UNC13C: variants seen among roughly 807,000 people sequenced by gnomAD.
UNC13C encodes the protein protein unc-13 homolog C.
Under a neutral mutation model 245.4 loss-of-function variants are expected in UNC13C, and 174 were observed. The ratio of observed to expected loss-of-function variants is 0.71; its 90% confidence interval spans 0.63 to 0.80. The LOEUF is 0.80. Among genes scored for constraint, UNC13C ranks in the 30% least tolerant of loss-of-function variants. The pLI, the probability that UNC13C is intolerant of heterozygous loss-of-function variation, is 0.00. For missense variants in UNC13C, 2,829 were observed against 2,602.9 expected, an observed-to-expected ratio of 1.09 and a Z score of -1.89; for synonymous variants, 992 against 895.1, an observed-to-expected ratio of 1.11 and a Z score of -1.93.
At chr15:53,908,888 C>G in the UNC13C span, among the ~76,000 whole-genome samples, 1 of 145,470 alleles carries the variant, frequency 6.9e-6, no homozygotes, top group Non-Finnish European at 1.5e-5. Flanking sequence ...ATTTAGGTCA[C>G]ATTAACAAAA....
rs866768681 is a variant in UNC13C at position 54,321,936 on chromosome 15, C to T, written c.4269-3C>T. 6.4e-7 allele frequency: 1 copy of T among 1,561,908 alleles called. No homozygotes were observed. The highest frequency in any genetic ancestry group is 1.2e-5 in the South Asian group (1 of 83,570). On this transcript the variant is annotated splice_region_variant and splice_polypyrimidine_tract_variant and intron_variant, in intron 13 of 32. Transcript: ENST00000260323. ...AAAACACTTTATGTTTTTTGTCTTT[C>T]AGGCACTTTTCATGTCTGTCTTCTA...
At chr15:54,167,602 G>GAAA (rs35210236) in intron 4 of UNC13C, among the ~76,000 whole-genome samples, 17 of 63,572 alleles carry the variant, frequency 2.7e-4, no homozygotes, top group Non-Finnish European at 3.5e-4. Flanking sequence ...ATCCAAATAG[G>GAAA]AAAAAAAAAA....
In UNC13C at chr15:54,623,779, A is replaced by T. The variant is rs1316741182; in HGVS notation, c.6200-16A>T. On this transcript the variant is annotated splice_polypyrimidine_tract_variant and intron_variant, in intron 31 of 32. Transcript: ENST00000260323. ...ACACATCTGTTTGCTAAAATGTGAT[A>T]TTTCCTTTTTTTTAGTGATTGCTAT... The T allele has an allele frequency of 3.1e-6, 5 of 1,603,196 alleles. No homozygotes were observed. The African/African-American group carries it at 6.8e-5, about 22-fold the overall frequency.
At chr15:54,452,626 A>G (rs1567285790) in intron 19 of UNC13C, among the ~76,000 whole-genome samples, 1 of 152,142 alleles carries the variant, frequency 6.6e-6, no homozygotes, top group Admixed American at 6.5e-5. Flanking sequence ...CTGTCCTCAG[A>G]TTTCCCCATG....
At chr15:54,158,510 G>A (rs1211911915) in intron 4 of UNC13C, among the ~76,000 whole-genome samples, 11 of 151,848 alleles carry the variant, frequency 7.2e-5, no homozygotes, top group Admixed American at 6.6e-4. Flanking sequence ...TAGTAGAGAC[G>A]GGATTTCACT....
chr15:54,446,352 G>A (rs1596387583), intron 19 of UNC13C, among the ~76,000 whole-genome samples: 2 of 152,108 alleles, frequency 1.3e-5, no homozygotes, highest in South Asian at 4.1e-4. Flanking sequence ...TACCTTGTTG[G>A]GGATGGCATT....
intron 30 of UNC13C, among the ~76,000 whole-genome samples, chr15:54,569,201 A>AC (rs35319108): frequency 8.6e-5 from 13 of 151,302 alleles, no homozygotes; most frequent in South Asian, 2.1e-4. Context: ...TTATGTGTAC[A>AC]CCCCCCCCTC....
At chr15:54,595,385 C>T (rs75166309) in intron 30 of UNC13C, among the ~76,000 whole-genome samples, 2,881 of 152,200 alleles carry the variant, frequency 0.019, 70 homozygotes, top group East Asian at 0.12. Flanking sequence ...AGGAGGGTCT[C>T]CTTTTTCTAC....
intron 19 of UNC13C, among the ~76,000 whole-genome samples, chr15:54,480,364 C>T (rs1259182200): frequency 6.6e-6 from 1 of 150,390 alleles, no homozygotes; most frequent in African/African-American, 2.4e-5. Flanking sequence ...AATATTTTGT[C>T]ACTTTATAAT....
At chr15:54,330,680 G>A (rs1388764796) in intron 14 of UNC13C, among the ~76,000 whole-genome samples, 1 of 152,002 alleles carries the variant, frequency 6.6e-6, no homozygotes, top group African/African-American at 2.4e-5. Flanking sequence ...TTTCTATCTG[G>A]ATTGAGGGCC....
chr15:54,397,401 A>T (rs190606089), intron 18 of UNC13C, among the ~76,000 whole-genome samples: 1 of 151,626 alleles, frequency 6.6e-6, no homozygotes, highest in East Asian at 1.9e-4. Context: ...CCGTAATTAC[A>T]CCAGTACTGC....
At chr15:54,450,353 T>C (rs1891099548) in intron 19 of UNC13C, among the ~76,000 whole-genome samples, 1 of 152,256 alleles carries the variant, frequency 6.6e-6, no homozygotes, top group South Asian at 2.1e-4. Flanking sequence ...TGTTCAGCTA[T>C]GCCCTGCCCC....
At chr15:53,937,470 C>A in the UNC13C span, among the ~76,000 whole-genome samples, 1 of 152,124 alleles carries the variant, frequency 6.6e-6, no homozygotes, top group Non-Finnish European at 1.5e-5. Flanking sequence ...TTTAGGATTT[C>A]ATACAGTAGA....
At chr15:54,052,433 G>A (rs1230141815) in intron 2 of UNC13C, among the ~76,000 whole-genome samples, 1 of 151,264 alleles carries the variant, frequency 6.6e-6, no homozygotes, top group African/African-American at 2.4e-5. Flanking sequence ...GTTGTTTCCT[G>A]ACTTTTTAAT....
chr15:54,286,017 G>A (rs960242964), intron 10 of UNC13C, among the ~76,000 whole-genome samples: 1 of 151,836 alleles, frequency 6.6e-6, no homozygotes, highest in African/African-American at 2.4e-5. Flanking sequence ...AGCTGGAGTT[G>A]CAGGTGTCTG....
At chr15:54,433,310 T>C (rs1434048061) in intron 19 of UNC13C, among the ~76,000 whole-genome samples, 2 of 152,078 alleles carry the variant, frequency 1.3e-5, no homozygotes, top group Admixed American at 6.6e-5. Context: ...ATATCCCTGA[T>C]GAACATCTTT....
At chr15:54,581,319 A>G (rs1898189946) in intron 30 of UNC13C, among the ~76,000 whole-genome samples, 3 of 152,236 alleles carry the variant, frequency 2.0e-5, no homozygotes, top group African/African-American at 7.2e-5. Flanking sequence ...CTCAAAGTAT[A>G]GTCCCAGAAC....
At chr15:54,319,304 A>G (rs995912438) in intron 13 of UNC13C, among the ~76,000 whole-genome samples, 4 of 151,842 alleles carry the variant, frequency 2.6e-5, no homozygotes, top group African/African-American at 7.2e-5. Flanking sequence ...AAAAAAAAAA[A>G]AAAGAAATGT....
intron 18 of UNC13C, among the ~76,000 whole-genome samples, chr15:54,393,975 T>C (rs1156881610): frequency 6.6e-6 from 1 of 151,886 alleles, no homozygotes; most frequent in Non-Finnish European, 1.5e-5. Flanking sequence ...ATGAAGAGGA[T>C]TGTCTTGACA....
Sources: allele counts gnomAD v4.1 joint callset (sites outside exome capture counted in the v4.1 genomes callset), GRCh38; gene constraint gnomAD v4.1.1; transcripts MANE v1.5; gene names NCBI Gene and HGNC (gene_info 2026-07-23, HGNC 2026-07-21).